Variants in BRAF observed in about 807,000 individuals in gnomAD.
The protein encoded by BRAF is serine/threonine-protein kinase B-raf.
BRAF carries 16 observed loss-of-function variants against 104.6 expected under a neutral mutation model. That is an observed-to-expected ratio of 0.15 (90% CI 0.10 to 0.23). The LOEUF is 0.23. BRAF is among the 10% of genes least tolerant of loss of function. BRAF has a pLI of 1.00. For synonymous variants in BRAF, 310 were observed against 341.6 expected (o/e 0.91, Z 1.02); for missense variants, 541 against 937.3 (o/e 0.58, Z 5.52).
intron 5 of BRAF, among the ~76,000 whole-genome samples, chr7:140,805,846 C>T (rs1803604115): frequency 6.6e-6 from 1 of 152,146 alleles, no homozygotes; most frequent in Non-Finnish European, 1.5e-5. Flanking sequence ...CCAAGACAGC[C>T]AAGAACACTT....
chr7:140,855,591 T>C (rs1809688810), intron 1 of BRAF, among the ~76,000 whole-genome samples: 1 of 151,750 alleles, frequency 6.6e-6, no homozygotes, highest in Non-Finnish European at 1.5e-5. Context: ...CCCTCATCCC[T>C]TAAAGAAAAT....
chr7:140,763,344 C>T (rs1030230424), intron 14 of BRAF, among the ~76,000 whole-genome samples: 8 of 144,934 alleles, frequency 5.5e-5, no homozygotes, highest in Non-Finnish European at 1.1e-4. Flanking sequence ...GGCTGACCCC[C>T]CCACCTCCCT....
At chr7:140,738,366 T>C (rs932891712) in intron 18 of BRAF, among the ~76,000 whole-genome samples, 16 of 152,332 alleles carry the variant, frequency 1.1e-4, no homozygotes, top group Non-Finnish European at 1.5e-4. Flanking sequence ...TCCTGTAACA[T>C]TGACTTCTGT....
intron 3 of BRAF, among the ~76,000 whole-genome samples, chr7:140,818,717 G>A (rs1161507091): frequency 1.3e-5 from 2 of 151,988 alleles, no homozygotes; most frequent in Admixed American, 6.6e-5. Flanking sequence ...CCTAAAACAG[G>A]CAATTATCTT....
chr7:140,913,421 G>A (rs1056693899), intron 1 of BRAF, among the ~76,000 whole-genome samples: 3 of 138,248 alleles, frequency 2.2e-5, no homozygotes, highest in Non-Finnish European at 4.6e-5. Context: ...CAATACAAAA[G>A]TCACCAATGT....
chr7:140,906,845 T>C (rs1342889733), intron 1 of BRAF, among the ~76,000 whole-genome samples: 2 of 152,222 alleles, frequency 1.3e-5, no homozygotes, highest in African/African-American at 4.8e-5. Context: ...TTTCAAGACT[T>C]TTCTCCTTGT....
At chr7:140,799,381 T>G (rs1802853425) in intron 7 of BRAF, 1 of 232,516 alleles carries the variant, frequency 4.3e-6, no homozygotes, top group Non-Finnish European at 8.5e-6. Flanking sequence ...CTAATTGATT[T>G]TTTCTTTAAA....
chr7:140,807,452 T>A (rs1205065650), intron 5 of BRAF, among the ~76,000 whole-genome samples: 1 of 151,914 alleles, frequency 6.6e-6, no homozygotes, highest in Non-Finnish European at 1.5e-5. Flanking sequence ...TGAAAAGATG[T>A]CCGTGACATC....
At chr7:140,831,010 A>G (rs1158143637) in intron 3 of BRAF, among the ~76,000 whole-genome samples, 1 of 152,228 alleles carries the variant, frequency 6.6e-6, no homozygotes, top group African/African-American at 2.4e-5. Flanking sequence ...AGTGTAAGTC[A>G]CAACCTGGAA....
chr7:140,895,215 G>GA (rs1344865772), intron 1 of BRAF, among the ~76,000 whole-genome samples: 1 of 151,626 alleles, frequency 6.6e-6, no homozygotes, highest in Non-Finnish European at 1.5e-5. Flanking sequence ...ATCAATGTAG[G>GA]AAAAAAACAT....
At chr7:140,788,527 A>C (rs946628326) in intron 8 of BRAF, among the ~76,000 whole-genome samples, 15 of 152,200 alleles carry the variant, frequency 9.9e-5, no homozygotes, top group African/African-American at 3.4e-4. Context: ...TCATAAAAAT[A>C]TGGATGGATA....
chr7:140,831,980 T>C (rs193107832), intron 3 of BRAF, among the ~76,000 whole-genome samples: 1 of 152,372 alleles, frequency 6.6e-6, no homozygotes, highest in African/African-American at 2.4e-5. Flanking sequence ...TGTAAGAATC[T>C]AGCTCCTAGT....
chr7:140,738,445 T>C (rs371945958), intron 18 of BRAF, among the ~76,000 whole-genome samples: 9 of 152,308 alleles, frequency 5.9e-5, no homozygotes, highest in East Asian at 5.8e-4. Flanking sequence ...CCAGTAATTA[T>C]GGTAGCAGGG....
At chr7:140,769,522 T>C (rs1026095862) in intron 14 of BRAF, among the ~76,000 whole-genome samples, 2 of 152,256 alleles carry the variant, frequency 1.3e-5, no homozygotes, top group African/African-American at 4.8e-5. Context: ...AAAAATGTTC[T>C]GCTTAAAAAT....
At chr7:140,916,238 T>A (rs1279981722) in intron 1 of BRAF, among the ~76,000 whole-genome samples, 3 of 152,198 alleles carry the variant, frequency 2.0e-5, no homozygotes, top group Non-Finnish European at 4.4e-5. Flanking sequence ...TAGGGATAAT[T>A]CCCTGGGCTA....
intron 3 of BRAF, among the ~76,000 whole-genome samples, chr7:140,832,633 T>C (rs1225555592): frequency 1.3e-5 from 2 of 152,238 alleles, no homozygotes; most frequent in African/African-American, 4.8e-5. Context: ...TTTCTGAGTA[T>C]TGAATACGAA....
chr7:140,872,961 T>TAAGAAAAC (rs1811779370), intron 1 of BRAF, among the ~76,000 whole-genome samples: 1 of 152,000 alleles, frequency 6.6e-6, no homozygotes, highest in Admixed American at 6.6e-5. Context: ...TGCTAGAAAA[T>TAAGAAAAC]AAGAAAACAG....
intron 1 of BRAF, chr7:140,883,924 T>C (rs1813224996): frequency 6.6e-6 from 1 of 152,228 alleles, no homozygotes; most frequent in Admixed American, 6.5e-5. Flanking sequence ...TTAAGTAATC[T>C]TCCCAGCTTC....
At chr7:140,854,096 A>G (rs1809502858) in intron 1 of BRAF, among the ~76,000 whole-genome samples, 1 of 152,234 alleles carries the variant, frequency 6.6e-6, no homozygotes, top group South Asian at 2.1e-4. Context: ...CAGACTCCCA[A>G]GTAGTTGGGA....
Sources: gnomAD v4.1 joint callset for allele counts (sites outside exome capture counted in the v4.1 genomes callset) on GRCh38, gnomAD v4.1.1 for gene constraint, MANE v1.5 for transcripts, NCBI Gene and HGNC (gene_info 2026-07-23, HGNC 2026-07-21) for gene names.